Variants in COL14A1 observed in about 807,000 individuals in gnomAD.
COL14A1 encodes collagen type XIV alpha 1 chain.
COL14A1 carries 136 observed loss-of-function variants against 230.3 expected under a neutral mutation model. That is an observed-to-expected ratio of 0.59 (90% CI 0.51 to 0.68). The LOEUF (loss-of-function observed/expected upper bound fraction) is 0.68. Ranked by LOEUF, COL14A1 falls within the 30% of genes least tolerant of loss-of-function variation. COL14A1 has a pLI of 0.00. For missense variants in COL14A1, 1,976 were observed against 2,215.8 expected, an observed-to-expected ratio of 0.89 and a Z score of 2.17; for synonymous variants, 792 against 784.1, an observed-to-expected ratio of 1.01 and a Z score of -0.17.
At chr8:120,216,287 C>T in intron 13 of COL14A1, 64 bp from the exon 14 acceptor site, 1 of 1,381,406 alleles carries the variant, frequency 7.2e-7, no homozygotes, top group Non-Finnish European at 1.0e-6. Flanking sequence ...GTCAAAGATG[C>T]AATTTCTTTT....
intron 45 of COL14A1, among the ~76,000 whole-genome samples, chr8:120,349,207 A>T (rs1375782392): frequency 2.6e-5 from 4 of 151,550 alleles, no homozygotes; most frequent in Admixed American, 2.0e-4. Context: ...AACAAACAGA[A>T]AGGACATCCA....
chr8:120,220,038 AT>A (rs1817880075), intron 14 of COL14A1, among the ~76,000 whole-genome samples: 1 of 152,060 alleles, frequency 6.6e-6, no homozygotes, highest in African/African-American at 2.4e-5. Flanking sequence ...CATGCTATAG[AT>A]ACTTGAGGTT....
intron 8 of COL14A1, among the ~76,000 whole-genome samples, chr8:120,202,085 A>G (rs753959890): frequency 6.6e-6 from 1 of 152,220 alleles, no homozygotes; most frequent in East Asian, 1.9e-4. Context: ...GGCAAGAACC[A>G]TCAGAGAGAT....
At chr8:120,287,786 T>C (rs574037126) in intron 33 of COL14A1, among the ~76,000 whole-genome samples, 4 of 152,264 alleles carry the variant, frequency 2.6e-5, no homozygotes, top group Middle Eastern at 6.8e-3. Context: ...TAATAGAATA[T>C]CTCAATGCAA....
chr8:120,197,436 A>G (rs1453955992), intron 6 of COL14A1, among the ~76,000 whole-genome samples: 1 of 152,134 alleles, frequency 6.6e-6, no homozygotes, highest in Non-Finnish European at 1.5e-5. Flanking sequence ...ATAAATCTTT[A>G]TTAAACAAAG....
intron 5 of COL14A1, 132 bp downstream of exon 5, chr8:120,168,379 T>C: frequency 1.7e-6 from 1 of 595,702 alleles, no homozygotes. Context: ...GTGGCCTCTT[T>C]GTACTCTTCC....
At chr8:120,277,960 G>T in intron 26 of COL14A1, 151 bp from the exon 27 acceptor site, 1 of 630,498 alleles carries the variant, frequency 1.6e-6, no homozygotes, top group South Asian at 4.4e-5. Context: ...TTCAAATTTG[G>T]TATGTAACTT....
At chr8:120,338,718 G>A (rs1273402283) in intron 42 of COL14A1, among the ~76,000 whole-genome samples, 1 of 152,182 alleles carries the variant, frequency 6.6e-6, no homozygotes, top group Non-Finnish European at 1.5e-5. Context: ...ACATGGTAAA[G>A]CAGCCTACGT....
intron 11 of COL14A1, 119 bp downstream of exon 11, chr8:120,208,480 T>C (rs780142585): frequency 8.9e-7 from 1 of 1,126,002 alleles, no homozygotes; most frequent in Non-Finnish European, 1.2e-6. Flanking sequence ...TTCAATCAAA[T>C]TCATAGAAGA....
chr8:120,331,466 G>GT (rs907340401), intron 40 of COL14A1, among the ~76,000 whole-genome samples: 8 of 152,108 alleles, frequency 5.3e-5, no homozygotes, highest in Non-Finnish European at 7.4e-5. Context: ...AGCTTTTGTA[G>GT]TTTTTTTAAC....
intron 16 of COL14A1, 44 bp downstream of exon 16, chr8:120,226,810 T>C: frequency 5.1e-6 from 8 of 1,577,766 alleles, no homozygotes; most frequent in Non-Finnish European, 5.2e-6. Flanking sequence ...GGAGCATTAG[T>C]GAATACCTAC....
chr8:120,278,258 A>G, intron 27 of COL14A1, 24 bp downstream of exon 27: 1 of 1,587,838 alleles, frequency 6.3e-7, no homozygotes, highest in South Asian at 1.2e-5. Context: ...AAGCCCAGCT[A>G]AGGCTCAAAG....
rs1042815967 is a variant in COL14A1 at position 120,243,961 on chromosome 8, T to C, written c.2432T>C (p.Ile811Thr). 9.9e-6 allele frequency: 16 copies of C among 1,613,660 alleles called. No homozygotes were observed. Among genetic ancestry groups the C allele is most frequent in the Non-Finnish European group, 1.4e-5 (16 of 1,179,682 alleles). ...DTEYKVTVTP[I>T]YTDGEGVSVS... is the part of the protein sequence containing the mutation. ...GAATACAAAGTCACAGTGACTCCCA[T>C]CTACACGGATGGCGAAGGCGTCAGC... is the stretch of plus-strand genomic sequence containing the variant. Residue 811 changes from isoleucine to threonine, a missense_variant, in exon 20 of 48, where the codon ATC becomes ACC. Physicochemically the swap from Ile to Thr is moderately conservative, Grantham distance 89. This residue lies in a region of COL14A1 where 1,791 missense variants were observed against 2,019.5 expected (regional missense o/e 0.89). Transcript: ENST00000297848.
At position 120,266,797 on chromosome 8, in the gene COL14A1, A is replaced by G. The variant is rs775317546; in HGVS notation, c.3017-30A>G. 21 of 1,590,578 alleles carry G rather than the reference A, an allele frequency of 1.3e-5. No individual in the cohort carries two copies. In the Admixed American group the frequency reaches 2.3e-4, roughly 18 times the overall value. On this transcript the variant is annotated intron_variant, in intron 24 of 47. Transcript: ENST00000297848. ...CTCTTCCCCACAGATGAGATGGTGA[A>G]CTGATGTCCTTTCTCCCTTTCCTTT...
At chr8:120,345,854 G>A (rs546668627) in intron 45 of COL14A1, among the ~76,000 whole-genome samples, 3 of 152,300 alleles carry the variant, frequency 2.0e-5, no homozygotes, top group South Asian at 4.1e-4. Context: ...CCTCTAGATG[G>A]ATGAAGTCAA....
chr8:120,180,191 C>T (rs909977365), intron 5 of COL14A1, among the ~76,000 whole-genome samples: 2 of 152,202 alleles, frequency 1.3e-5, no homozygotes, highest in African/African-American at 2.4e-5. Flanking sequence ...TTTCTCTCCA[C>T]TGGGAATACT....
intron 40 of COL14A1, among the ~76,000 whole-genome samples, chr8:120,324,748 A>G (rs1271732985): frequency 6.6e-6 from 1 of 152,148 alleles, no homozygotes; most frequent in Non-Finnish European, 1.5e-5. Context: ...ATGACCTACC[A>G]TTGTCAGCTT....
rs774673015 is a variant in COL14A1, at chr8:120,270,135, T to C, written c.3174T>C (p.Thr1058=). The change falls in exon 26 of 48, where the codon ACT becomes ACC. Residue 1058 remains threonine, a synonymous_variant. Coordinates refer to ENST00000297848, the MANE Select transcript of COL14A1 (RefSeq NM_021110.4). ...AGATCATCAGCTTTCTATACAGCACTGTTGGAGCCCTGAACAAGATTGGCA... is the reference window on the plus strand; with the variant it reads ...AGATCATCAGCTTTCTATACAGCACCGTTGGAGCCCTGAACAAGATTGGCA... The part of the protein sequence containing the change: ...FNKIISFLYS[T]VGALNKIGTD... The C allele has an allele frequency of 6.2e-7, 1 of 1,611,362 alleles. No homozygotes were observed. Among genetic ancestry groups the C allele is most frequent in the Non-Finnish European group, 8.5e-7 (1 of 1,178,276 alleles).
intron 5 of COL14A1, among the ~76,000 whole-genome samples, chr8:120,188,798 T>A (rs1343146222): frequency 6.6e-6 from 1 of 152,272 alleles, no homozygotes; most frequent in Non-Finnish European, 1.5e-5. Flanking sequence ...TTTGGAATAT[T>A]GTCTTAGCAA....
Sources: allele counts gnomAD v4.1 joint callset (sites outside exome capture counted in the v4.1 genomes callset), GRCh38; gene constraint gnomAD v4.1.1; regional missense constraint gnomAD v4.1.1; transcripts MANE v1.5; gene names NCBI Gene and HGNC (gene_info 2026-07-23, HGNC 2026-07-21).